The following HECW1 variants were observed in gnomAD, a reference collection of about 807,000 sequenced individuals.
HECW1 encodes HECT, C2 and WW domain containing E3 ubiquitin protein ligase 1, also known as E3 ubiquitin-protein ligase HECW1.
Under a neutral mutation model 182.3 loss-of-function variants are expected in HECW1, and 61 were observed. That is an observed-to-expected ratio of 0.33 (90% CI 0.27 to 0.41). The LOEUF is 0.41. Among genes scored for constraint, HECW1 ranks in the 10% least tolerant of loss-of-function variants. HECW1 has a pLI of 1.00. For missense variants in HECW1, 1,739 were observed against 2,108.9 expected, an observed-to-expected ratio of 0.82 and a Z score of 3.44; for synonymous variants, 859 against 832.6, an observed-to-expected ratio of 1.03 and a Z score of -0.55.
Position 43,271,510 on chromosome 7 carries a change from T to G in HECW1, c.27+27578T>G, listed in dbSNP as rs115985855. 9.5e-3 allele frequency among the ~76,000 whole-genome samples: 1,454 copies of G among 152,276 alleles called. 30 individuals are homozygous for G. Among genetic ancestry groups the G allele is most frequent in the African/African-American group, 0.033 (1,373 of 41,558 alleles). ...GAACTGATAAACGATTTTAGCAAGG[T>G]TGTAGGGTACAAAATCAATGGACAA... On this transcript the variant is annotated intron_variant, in intron 3 of 29. Transcript: ENST00000395891.
chr7:43,441,311 T>C (rs1340465559), intron 9 of HECW1, among the ~76,000 whole-genome samples: 2 of 152,160 alleles, frequency 1.3e-5, no homozygotes, highest in Non-Finnish European at 2.9e-5. Context: ...GCAATTGGTG[T>C]TAAGTGGAAC....
At chr7:43,356,937 A>G (rs942419572) in intron 5 of HECW1, among the ~76,000 whole-genome samples, 1 of 152,240 alleles carries the variant, frequency 6.6e-6, no homozygotes, top group Admixed American at 6.5e-5. Flanking sequence ...AAAGATGTGA[A>G]TAGACATTTC....
chr7:43,309,167 T>A (rs1808177166), intron 3 of HECW1, among the ~76,000 whole-genome samples: 1 of 152,102 alleles, frequency 6.6e-6, no homozygotes, highest in African/African-American at 2.4e-5. Flanking sequence ...AGCAGAAAGT[T>A]CCACTCTTGG....
intron 19 of HECW1, among the ~76,000 whole-genome samples, chr7:43,497,272 G>A (rs2079156387): frequency 6.6e-6 from 1 of 152,174 alleles, no homozygotes; most frequent in African/African-American, 2.4e-5. Flanking sequence ...TTAGATGTAG[G>A]TGAAAAATGA....
chr7:43,412,805 A>C, intron 8 of HECW1, among the ~76,000 whole-genome samples: 1 of 151,172 alleles, frequency 6.6e-6, no homozygotes, highest in Non-Finnish European at 1.5e-5. Context: ...ATGGCTGCAT[A>C]GTATTCCATG....
Position 43,142,703 on chromosome 7 carries a change from G to C in HECW1, c.-32+28312G>C, listed in dbSNP as rs188119787. On this transcript the variant is annotated intron_variant, in intron 2 of 29. Coordinates refer to ENST00000395891, the MANE Select transcript of HECW1 (RefSeq NM_015052.5). ...GTTTTACCTCTGGAATTTGACAACA[G>C]TTCCTGGAGGATCTAGCATGTATAC... is the stretch of plus-strand genomic sequence containing the variant. Among the ~76,000 whole-genome samples the C allele has an allele frequency of 3.6e-3, 546 of 152,336 alleles. 2 individuals are homozygous for C. The highest frequency in any genetic ancestry group is 0.013 in the African/African-American group (534 of 41,566).
intron 15 of HECW1, 27 bp downstream of exon 15, chr7:43,466,595 C>G: frequency 6.2e-7 from 1 of 1,604,562 alleles, no homozygotes; most frequent in Non-Finnish European, 8.5e-7. Context: ...GCAGAGGGGG[C>G]GGCCTGGCTC....
At chr7:43,507,384 G>C in intron 22 of HECW1, 127 bp downstream of exon 22, 1 of 842,358 alleles carries the variant, frequency 1.2e-6, no homozygotes, top group Non-Finnish European at 1.7e-6. Flanking sequence ...GGTCTGAAGC[G>C]GGGGAAGAAG....
intron 3 of HECW1, among the ~76,000 whole-genome samples, chr7:43,265,650 C>T (rs377461403): frequency 9.3e-4 from 142 of 152,222 alleles, no homozygotes; most frequent in South Asian, 5.4e-3. Context: ...TCCCTGAGAC[C>T]AACTGGGTAT....
intron 1 of HECW1, among the ~76,000 whole-genome samples, chr7:43,113,173 C>T (rs1428112591): frequency 6.6e-6 from 1 of 152,116 alleles, no homozygotes; most frequent in East Asian, 1.9e-4. Flanking sequence ...GTACTGCAGG[C>T]GCACCCGGCC....
At chr7:43,371,882 C>T (rs1457376336) in intron 6 of HECW1, among the ~76,000 whole-genome samples, 1 of 152,146 alleles carries the variant, frequency 6.6e-6, no homozygotes, top group Non-Finnish European at 1.5e-5. Flanking sequence ...TGCAATGGCA[C>T]GGTCTCGGCT....
chr7:43,343,701 A>C (rs1174552271), intron 5 of HECW1, among the ~76,000 whole-genome samples: 1 of 151,786 alleles, frequency 6.6e-6, no homozygotes, highest in Non-Finnish European at 1.5e-5. Context: ...AGTCTTTGCT[A>C]TTGTGAATAG....
intron 24 of HECW1, among the ~76,000 whole-genome samples, chr7:43,518,105 A>G (rs1441660249): frequency 1.3e-5 from 2 of 152,274 alleles, no homozygotes; most frequent in Non-Finnish European, 2.9e-5. Context: ...ATGCTAGAAC[A>G]TAAAAATTAT....
chr7:43,401,186 A>T (rs2075393279), intron 7 of HECW1, among the ~76,000 whole-genome samples: 1 of 152,218 alleles, frequency 6.6e-6, no homozygotes, highest in Non-Finnish European at 1.5e-5. Context: ...TACCGCAGTC[A>T]AGAAGAGATT....
chr7:43,320,809 T>C (rs1349858655), intron 5 of HECW1, 67 bp downstream of exon 5: 8 of 1,165,364 alleles, frequency 6.9e-6, no homozygotes, highest in East Asian at 2.3e-5. Flanking sequence ...TGTTTCATTA[T>C]TTGTTCCCGT....
chr7:43,506,443 ATATT>A (rs1326149905), intron 21 of HECW1, among the ~76,000 whole-genome samples: 4 of 152,210 alleles, frequency 2.6e-5, no homozygotes, highest in African/African-American at 7.2e-5. Flanking sequence ...GAAGACATAA[ATATT>A]TATTCTCATT....
At chr7:43,368,428 G>A (rs1326519581) in intron 6 of HECW1, among the ~76,000 whole-genome samples, 1 of 152,166 alleles carries the variant, frequency 6.6e-6, no homozygotes, top group Non-Finnish European at 1.5e-5. Flanking sequence ...TGTGTCTCCT[G>A]CAAAAGTCCC....
intron 5 of HECW1, among the ~76,000 whole-genome samples, chr7:43,336,144 TTCTC>T (rs768468130): frequency 0.014 from 707 of 51,852 alleles, 10 homozygotes; most frequent in Admixed American, 0.022. Flanking sequence ...CTCTCTCTCT[TTCTC>T]TCTCTCTCTC....
intron 2 of HECW1, among the ~76,000 whole-genome samples, chr7:43,191,324 A>G (rs1793900003): frequency 6.6e-6 from 1 of 152,222 alleles, no homozygotes; most frequent in Non-Finnish European, 1.5e-5. Context: ...CACTAGCTCT[A>G]TTACAGCGAT....
Sources: gnomAD v4.1 joint callset for allele counts (sites outside exome capture counted in the v4.1 genomes callset) on GRCh38, gnomAD v4.1.1 for gene constraint, MANE v1.5 for transcripts, NCBI Gene and HGNC (gene_info 2026-07-23, HGNC 2026-07-21) for gene names.